The following MAGI1 variants were observed in gnomAD, a reference collection of about 807,000 sequenced individuals.
MAGI1 encodes membrane-associated guanylate kinase, WW and PDZ domain-containing protein 1.
Under a neutral mutation model 139.9 loss-of-function variants are expected in MAGI1, and 58 were observed. That is an observed-to-expected ratio of 0.41 (90% CI 0.34 to 0.52). The LOEUF (loss-of-function observed/expected upper bound fraction) is 0.52. MAGI1 is among the 20% of genes least tolerant of loss of function. The pLI, the probability that MAGI1 is intolerant of heterozygous loss-of-function variation, is 0.12. For synonymous variants in MAGI1, 812 were observed against 737.9 expected (o/e 1.10, Z -1.63); for missense variants, 1,874 against 1,901.6 (o/e 0.99, Z 0.27).
At chr3:65,837,646 C>A (rs1185130032) in intron 1 of MAGI1, among the ~76,000 whole-genome samples, 1 of 152,184 alleles carries the variant, frequency 6.6e-6, no homozygotes, top group African/African-American at 2.4e-5. Context: ...ACACTAAATA[C>A]GAATGCAAAG....
intron 1 of MAGI1, among the ~76,000 whole-genome samples, chr3:66,030,835 G>A (rs2068549932): frequency 6.6e-6 from 1 of 152,172 alleles, no homozygotes; most frequent in Non-Finnish European, 1.5e-5. Flanking sequence ...TGTAATTACT[G>A]AGCCATAAAA....
At chr3:65,775,853 G>C (rs146754242) in intron 1 of MAGI1, among the ~76,000 whole-genome samples, 74 of 151,478 alleles carry the variant, frequency 4.9e-4, no homozygotes, top group African/African-American at 1.7e-3. Flanking sequence ...GAAGTGGGAG[G>C]ATCACCTGAA....
chr3:65,786,851 G>A (rs2643735), intron 1 of MAGI1, among the ~76,000 whole-genome samples: 27,753 of 151,914 alleles, frequency 0.18, 2,879 homozygotes, highest in South Asian at 0.36. Context: ...TCCTGACCTC[G>A]TGATCCGCCC....
intron 2 of MAGI1, among the ~76,000 whole-genome samples, chr3:65,551,579 C>T (rs902233109): frequency 6.6e-6 from 1 of 152,190 alleles, no homozygotes; most frequent in Admixed American, 6.5e-5. Context: ...GGATTACAGG[C>T]GTGAGCCACC....
chr3:65,950,712 C>T (rs1290330451), intron 1 of MAGI1, among the ~76,000 whole-genome samples: 3 of 152,152 alleles, frequency 2.0e-5, no homozygotes, highest in Admixed American at 2.0e-4. Context: ...AATGCTACCC[C>T]CCACTGGTCG....
intron 1 of MAGI1, among the ~76,000 whole-genome samples, chr3:65,800,384 A>G (rs2040438067): frequency 6.6e-6 from 1 of 152,214 alleles, no homozygotes; most frequent in African/African-American, 2.4e-5. Context: ...AGTATTTTCT[A>G]TACACTGAAG....
chr3:65,781,127 C>T (rs1275033490), intron 1 of MAGI1, among the ~76,000 whole-genome samples: 2 of 151,658 alleles, frequency 1.3e-5, no homozygotes, highest in East Asian at 1.9e-4. Flanking sequence ...ATCTGGGAGG[C>T]GGAGGCTGCA....
intron 1 of MAGI1, among the ~76,000 whole-genome samples, chr3:65,741,248 C>A (rs2035240605): frequency 6.6e-6 from 1 of 151,842 alleles, no homozygotes; most frequent in Non-Finnish European, 1.5e-5. Flanking sequence ...GATCTCGGCT[C>A]ACTGCAACCT....
At chr3:65,552,701 A>G (rs1256110760) in intron 2 of MAGI1, among the ~76,000 whole-genome samples, 3 of 152,162 alleles carry the variant, frequency 2.0e-5, no homozygotes, top group African/African-American at 7.2e-5. Flanking sequence ...CCCTGATCCT[A>G]TGAATTACTT....
chr3:65,774,506 A>G (rs2038209070), intron 1 of MAGI1, among the ~76,000 whole-genome samples: 1 of 152,166 alleles, frequency 6.6e-6, no homozygotes, highest in Non-Finnish European at 1.5e-5. Context: ...GTTTTGGTGG[A>G]AAAGAATTCA....
chr3:65,561,497 G>C (rs1262469449), intron 2 of MAGI1, among the ~76,000 whole-genome samples: 1 of 152,230 alleles, frequency 6.6e-6, no homozygotes, highest in African/African-American at 2.4e-5. Context: ...AAAGGATCCT[G>C]AAGTGTTCAG....
chr3:65,792,968 G>A (rs1428086234), intron 1 of MAGI1, among the ~76,000 whole-genome samples: 2 of 152,132 alleles, frequency 1.3e-5, no homozygotes, highest in South Asian at 2.1e-4. Flanking sequence ...GGAGTCTCAT[G>A]CACACCAAAG....
intron 1 of MAGI1, among the ~76,000 whole-genome samples, chr3:65,650,669 G>A (rs1235550869): frequency 2.6e-5 from 4 of 152,144 alleles, no homozygotes. Flanking sequence ...ACAAGTTTGT[G>A]GTAATTTCTT....
intron 18 of MAGI1, among the ~76,000 whole-genome samples, chr3:65,369,411 G>A (rs1450657645): frequency 1.3e-5 from 2 of 152,162 alleles, no homozygotes; most frequent in African/African-American, 4.8e-5. Flanking sequence ...ACTAGACATG[G>A]AAATGGACTC....
intron 1 of MAGI1, among the ~76,000 whole-genome samples, chr3:65,832,830 G>A (rs2042599042): frequency 1.3e-5 from 2 of 152,062 alleles, no homozygotes; most frequent in South Asian, 4.1e-4. Flanking sequence ...AACCATTATG[G>A]ATACTATTTT....
At chr3:65,556,483 G>C (rs1366611280) in intron 2 of MAGI1, among the ~76,000 whole-genome samples, 1 of 152,182 alleles carries the variant, frequency 6.6e-6, no homozygotes, top group African/African-American at 2.4e-5. Context: ...CGCTTTCAGA[G>C]TTCTCATTAT....
intron 1 of MAGI1, among the ~76,000 whole-genome samples, chr3:65,783,632 CT>C (rs1425512677): frequency 6.6e-6 from 1 of 151,884 alleles, no homozygotes; most frequent in Non-Finnish European, 1.5e-5. Context: ...GTGGCTGGGA[CT>C]TCAGGCGTGC....
chr3:65,811,959 T>TGA (rs1190401731), intron 1 of MAGI1, among the ~76,000 whole-genome samples: 13 of 143,556 alleles, frequency 9.1e-5, no homozygotes, highest in South Asian at 4.5e-4. Context: ...TGTGTGTGTG[T>TGA]GAGAGAGAGA....
At chr3:65,488,586 C>A (rs1185536144) in intron 3 of MAGI1, among the ~76,000 whole-genome samples, 1 of 152,134 alleles carries the variant, frequency 6.6e-6, no homozygotes, top group African/African-American at 2.4e-5. Flanking sequence ...AATGATCCGC[C>A]TGCCTTGGCC....
Sources: gnomAD v4.1 joint callset for allele counts (sites outside exome capture counted in the v4.1 genomes callset) on GRCh38, gnomAD v4.1.1 for gene constraint, MANE v1.5 for transcripts, NCBI Gene and HGNC (gene_info 2026-07-23, HGNC 2026-07-21) for gene names.